The following FUT8 variants were observed in gnomAD, a reference collection of about 807,000 sequenced individuals.
FUT8 encodes alpha-(1,6)-fucosyltransferase.
In FUT8, 29 loss-of-function variants were observed where a neutral mutation model predicts 71.3. That is an observed-to-expected ratio of 0.41 (90% CI 0.30 to 0.55). The LOEUF (loss-of-function observed/expected upper bound fraction) is 0.55, where lower values mean the gene tolerates loss of function less well. FUT8 is among the 20% of genes least tolerant of loss of function. The pLI, the probability that FUT8 is intolerant of heterozygous loss-of-function variation, is 0.34. For synonymous variants in FUT8, 254 were observed against 239.3 expected (o/e 1.06, Z -0.57); for missense variants, 544 against 702.1 (o/e 0.77, Z 2.55).
intron 7 of FUT8, among the ~76,000 whole-genome samples, chr14:65,683,843 A>G (rs902485581): frequency 1.3e-5 from 2 of 152,014 alleles, no homozygotes; most frequent in Admixed American, 6.6e-5. Flanking sequence ...TTAAAATCTG[A>G]TAATAGCTTC....
intron 3 of FUT8, among the ~76,000 whole-genome samples, chr14:65,593,780 T>A (rs559657273): frequency 5.2e-4 from 79 of 152,376 alleles, no homozygotes; most frequent in African/African-American, 1.6e-3. Flanking sequence ...TTCTCCATGT[T>A]GGTCAAGCTG....
chr14:65,733,504 G>C, intron 10 of FUT8, 123 bp downstream of exon 10: 1 of 634,474 alleles, frequency 1.6e-6, no homozygotes, highest in Non-Finnish European at 2.6e-6. Context: ...CAATTTTTCT[G>C]ATACTCAGTA....
chr14:65,472,116 C>T lies in FUT8; in HGVS notation c.-228+16398C>T, dbSNP rs1021797157. Among the ~76,000 whole-genome samples the T allele has an allele frequency of 3.3e-5, 5 of 152,036 alleles. No homozygotes were observed. Among genetic ancestry groups the T allele is most frequent in the Non-Finnish European group, 5.9e-5 (4 of 68,012 alleles). Reference sequence around the variant, plus strand: ...GTAATTTATAAAGAGTTTGATTTACCGCACAGTTCTGCAGGCTGTACAAGA... The same window carrying T: ...GTAATTTATAAAGAGTTTGATTTACTGCACAGTTCTGCAGGCTGTACAAGA... On this transcript the variant is annotated intron_variant, in intron 2 of 10. Transcript: ENST00000673929. The surrounding 1 kb of genome is among the most constrained non-coding windows in gnomAD (Gnocchi z 4.4).
chr14:65,673,509 G>T (rs1892570411), intron 7 of FUT8, among the ~76,000 whole-genome samples: 1 of 152,178 alleles, frequency 6.6e-6, no homozygotes, highest in Non-Finnish European at 1.5e-5. Flanking sequence ...TCTTTTGGAA[G>T]AAATGATTTT....
intron 6 of FUT8, among the ~76,000 whole-genome samples, chr14:65,646,945 T>G (rs1055513462): frequency 1.3e-5 from 2 of 152,200 alleles, no homozygotes; most frequent in African/African-American, 4.8e-5. Flanking sequence ...TATTTGGATG[T>G]TTGTGTACTT....
At chr14:65,724,856 G>A (rs1346327937) in intron 9 of FUT8, among the ~76,000 whole-genome samples, 2 of 151,862 alleles carry the variant, frequency 1.3e-5, no homozygotes, top group Non-Finnish European at 1.5e-5. Flanking sequence ...CCACATATAA[G>A]GACACTAATC....
chr14:65,359,819 C>T, the FUT8 span, among the ~76,000 whole-genome samples: 2,174 of 152,242 alleles, frequency 0.014, 48 homozygotes, highest in African/African-American at 0.05. Flanking sequence ...GATTGCATCC[C>T]TGCAAGGCAC....
chr14:65,480,969 C>T (rs1785036577), intron 2 of FUT8, among the ~76,000 whole-genome samples: 1 of 152,140 alleles, frequency 6.6e-6, no homozygotes, highest in Admixed American at 6.6e-5. Context: ...GAATTATAGG[C>T]ATGACCATCG....
At chr14:65,741,447 T>G (rs961171740) in intron 10 of FUT8, among the ~76,000 whole-genome samples, 1 of 151,936 alleles carries the variant, frequency 6.6e-6, no homozygotes, top group African/African-American at 2.4e-5. Flanking sequence ...GGATAGCATT[T>G]GGAGATATAC....
the FUT8 span, among the ~76,000 whole-genome samples, chr14:65,376,408 ATTGTTT>A: frequency 1.1e-4 from 15 of 139,178 alleles, 3 homozygotes; most frequent in Non-Finnish European, 1.8e-4. Context: ...TCATCCACAG[ATTGTTT>A]TTGTTTTTGT....
chr14:65,614,581 G>T (rs971838453), intron 3 of FUT8, among the ~76,000 whole-genome samples: 2 of 152,084 alleles, frequency 1.3e-5, no homozygotes, highest in African/African-American at 4.8e-5. Flanking sequence ...GAGCATCTGG[G>T]GTATTTTTGT....
chr14:65,532,302 A>T (rs1226834899), intron 2 of FUT8, among the ~76,000 whole-genome samples: 1 of 152,130 alleles, frequency 6.6e-6, no homozygotes, highest in Non-Finnish European at 1.5e-5. Flanking sequence ...TTACTTTTTA[A>T]TAATAGCCAT....
At chr14:65,719,551 C>CAATGTGAAG (rs1895298340) in intron 7 of FUT8, among the ~76,000 whole-genome samples, 1 of 152,050 alleles carries the variant, frequency 6.6e-6, no homozygotes, top group Non-Finnish European at 1.5e-5. Context: ...AGGTATTTAT[C>CAATGTGAAG]GTAGTCTTCA....
At chr14:65,394,344 T>C in the FUT8 span, among the ~76,000 whole-genome samples, 1 of 152,224 alleles carries the variant, frequency 6.6e-6, no homozygotes, top group East Asian at 1.9e-4. Flanking sequence ...CCACTATGAT[T>C]CAATTATCTC....
chr14:65,441,457 A>T (rs1052305861), intron 1 of FUT8, among the ~76,000 whole-genome samples: 4 of 152,154 alleles, frequency 2.6e-5, no homozygotes, highest in Non-Finnish European at 5.9e-5. Context: ...AAATGAGTAC[A>T]GGTCTGGGCA....
At chr14:65,703,538 A>G (rs1329788495) in intron 7 of FUT8, among the ~76,000 whole-genome samples, 1 of 152,264 alleles carries the variant, frequency 6.6e-6, no homozygotes, top group East Asian at 1.9e-4. Flanking sequence ...CGCAAAAGGA[A>G]GGGAGAGTGG....
the FUT8 span, among the ~76,000 whole-genome samples, chr14:65,360,058 C>G: frequency 6.6e-6 from 1 of 152,138 alleles, no homozygotes; most frequent in Non-Finnish European, 1.5e-5. Context: ...ATCTTGATCT[C>G]CTGACCTCAT....
intron 3 of FUT8, among the ~76,000 whole-genome samples, chr14:65,602,077 C>G (rs1297334904): frequency 8.6e-5 from 13 of 151,728 alleles, no homozygotes; most frequent in African/African-American, 2.9e-4. Context: ...ACACTCATCA[C>G]CCGAGCAGTA....
intron 2 of FUT8, among the ~76,000 whole-genome samples, chr14:65,508,691 G>A (rs1343548400): frequency 6.6e-6 from 1 of 150,842 alleles, no homozygotes; most frequent in African/African-American, 2.4e-5. Flanking sequence ...TAGTAGAGAC[G>A]GAGTTTCACC....
Sources: gnomAD v4.1 joint callset for allele counts (sites outside exome capture counted in the v4.1 genomes callset) on GRCh38, gnomAD v4.1.1 for gene constraint, Gnocchi (gnomAD v3.1) non-coding constraint, MANE v1.5 for transcripts, NCBI Gene and HGNC (gene_info 2026-07-23, HGNC 2026-07-21) for gene names.